The following DOCK8 variants were observed in gnomAD, a reference collection of about 807,000 sequenced individuals.
DOCK8 encodes the protein dedicator of cytokinesis protein 8.
DOCK8 carries 141 observed loss-of-function variants against 245.6 expected under a neutral mutation model. The observed-to-expected ratio is 0.57, with a 90% CI of 0.50 to 0.66. The LOEUF is 0.66. Ranked by LOEUF, DOCK8 falls within the 30% of genes least tolerant of loss-of-function variation. The probability of loss-of-function intolerance (pLI) is 0.00; values close to 1 mark genes in which losing one functional copy is unlikely to be tolerated. For missense variants in DOCK8, 2,965 were observed against 2,603.4 expected, an observed-to-expected ratio of 1.14 and a Z score of -3.02; for synonymous variants, 1,168 against 970.2, an observed-to-expected ratio of 1.20 and a Z score of -3.79.
intron 14 of DOCK8, among the ~76,000 whole-genome samples, chr9:344,100 C>G (rs4741822): frequency 0.73 from 110,741 of 152,056 alleles, 40,546 homozygotes; most frequent in African/African-American, 0.8. Flanking sequence ...GCTGTACTGG[C>G]CACTGTAGAA....
chr9:463,425 T>C, intron 46 of DOCK8, 92 bp from the exon 47 acceptor site: 2 of 1,524,250 alleles, frequency 1.3e-6, no homozygotes, highest in Non-Finnish European at 1.8e-6. Flanking sequence ...GTTCTTAAAG[T>C]TATTCGAAAA....
intron 10 of DOCK8, among the ~76,000 whole-genome samples, chr9:333,130 G>A (rs1458185944): frequency 6.6e-6 from 1 of 152,206 alleles, no homozygotes; most frequent in Non-Finnish European, 1.5e-5. Flanking sequence ...CAGTGCCAGA[G>A]CTCTCCTGGC....
rs749479613 is a variant in DOCK8 at position 334,401 on chromosome 9, C to A, written c.1285+17C>A. 1 of 1,610,516 alleles carries A rather than the reference C, an allele frequency of 6.2e-7. No homozygotes were observed. The highest frequency in any genetic ancestry group is 8.5e-7 in the Non-Finnish European group (1 of 1,177,500). ...CTGTGGTTGGTAAGATTTTCACCTG[C>A]AGTGGGAAAGGGAGGGCTCCCCAGT... On this transcript the variant is annotated intron_variant, in intron 11 of 47. Coordinates refer to ENST00000432829, the MANE Select transcript of DOCK8 (RefSeq NM_203447.4).
At chr9:295,170 AAAG>A (rs774312362) in intron 4 of DOCK8, among the ~76,000 whole-genome samples, 17 of 152,040 alleles carry the variant, frequency 1.1e-4, no homozygotes, top group South Asian at 2.1e-4. Context: ...AAAAAAAAAA[AAAG>A]AAGAAGAACC....
At chr9:394,870 T>C (rs1256147982) in intron 24 of DOCK8, among the ~76,000 whole-genome samples, 2 of 152,224 alleles carry the variant, frequency 1.3e-5, no homozygotes, top group Non-Finnish European at 2.9e-5. Flanking sequence ...GGCAAGCTGC[T>C]GACAGTCTGG....
chr9:309,410 A>G (rs2049998275), intron 5 of DOCK8, among the ~76,000 whole-genome samples: 1 of 152,208 alleles, frequency 6.6e-6, no homozygotes. Flanking sequence ...ATTGTCCAGT[A>G]GTATGTCCAT....
chr9:422,476 C>T lies in DOCK8; in HGVS notation c.4241+341C>T, dbSNP rs577370063. On this transcript the variant is annotated intron_variant, in intron 33 of 47. Coordinates refer to ENST00000432829, the MANE Select transcript of DOCK8 (RefSeq NM_203447.4). ...TGCCTAGGACCGTATACTTTCAAATCGATATTTCCTTTCTGGAAATATGTA... is the reference window on the plus strand; with the variant it reads ...TGCCTAGGACCGTATACTTTCAAATTGATATTTCCTTTCTGGAAATATGTA... Among the ~76,000 whole-genome samples, 7 of 152,254 alleles carry T rather than the reference C, an allele frequency of 4.6e-5. No individual in the cohort carries two copies. In the East Asian group the frequency reaches 5.8e-4, roughly 13 times the overall value.
chr9:269,914 C>A (rs776292117), intron 1 of DOCK8, among the ~76,000 whole-genome samples: 2 of 152,254 alleles, frequency 1.3e-5, no homozygotes, highest in Middle Eastern at 6.8e-3. Context: ...TGCTGGGATA[C>A]ATGGGAGCTC....
chr9:334,870 C>T (rs1465075115), intron 11 of DOCK8, among the ~76,000 whole-genome samples: 2 of 152,080 alleles, frequency 1.3e-5, no homozygotes, highest in Admixed American at 6.6e-5. Flanking sequence ...TCGCTTGAAG[C>T]CAGGAGTTCG....
At chr9:230,351 C>G (rs1002359363) in intron 1 of DOCK8, among the ~76,000 whole-genome samples, 1 of 152,096 alleles carries the variant, frequency 6.6e-6, no homozygotes, top group African/African-American at 2.4e-5. Context: ...AATAGTGCTG[C>G]TATAAACATA....
Position 426,901 on chromosome 9 carries a change from G to T in DOCK8, c.4258G>T (p.Asp1420Tyr), listed in dbSNP as rs1194356099. 3.1e-6 allele frequency: 5 copies of T among 1,613,984 alleles called. No individual in the cohort carries two copies. The highest frequency in any genetic ancestry group is 2.7e-5 in the African/African-American group (2 of 74,920). Reference protein sequence around the residue: ...EKLDKTKAELDQEALISGNLA... With the variant: ...EKLDKTKAELYQEALISGNLA... ...GTTTCCTAGAACAAAGGCCGAGTTAGATCAAGAAGCCTTGATCAGTGGCAA... is the reference window on the plus strand; with the variant it reads ...GTTTCCTAGAACAAAGGCCGAGTTATATCAAGAAGCCTTGATCAGTGGCAA... Residue 1420 changes from aspartate to tyrosine, a missense_variant, in exon 34 of 48, where the codon GAT becomes TAT. Around this residue, in one of 3 missense-constraint regions of DOCK8, gnomAD observed 2,825 missense variants for 2,453.5 expected, o/e 1.15. Transcript: ENST00000432829.
intron 1 of DOCK8, among the ~76,000 whole-genome samples, chr9:225,947 G>T (rs1334877368): frequency 6.6e-6 from 1 of 152,188 alleles, no homozygotes; most frequent in Non-Finnish European, 1.5e-5. Flanking sequence ...TGAATGAGGG[G>T]AGAGGAGGAG....
In DOCK8 at chr9:333,566, A is replaced by C. The variant is rs760215923; in HGVS notation, c.1126-659A>C. Among the ~76,000 whole-genome samples, 45 of 150,986 alleles carry C rather than the reference A, an allele frequency of 3.0e-4. 1 individual carries two copies. Among genetic ancestry groups the C allele is most frequent in the African/African-American group, 6.6e-4 (27 of 41,028 alleles). On this transcript the variant is annotated intron_variant, in intron 10 of 47. Transcript: ENST00000432829. The stretch of plus-strand genomic sequence containing the variant: ...CAGTGAGCCGAGATCGTGCCACTGC[A>C]CTCCAGCCTGGGTGACAGAGTGAGA...
upstream of DOCK8, chr9:214,374 T>G: frequency 1.3e-6 from 1 of 753,170 alleles, no homozygotes; most frequent in Non-Finnish European, 2.1e-6. Context: ...TATATTTATT[T>G]AGTGTCTCAG....
chr9:404,889 T>G (rs1282419826), intron 26 of DOCK8, 29 bp from the exon 27 acceptor site: 1 of 1,613,324 alleles, frequency 6.2e-7, no homozygotes, highest in East Asian at 2.2e-5. Flanking sequence ...TAATAAATGT[T>G]TCATTCCTCT....
At chr9:352,940 T>C (rs1313013795) in intron 14 of DOCK8, among the ~76,000 whole-genome samples, 1 of 152,090 alleles carries the variant, frequency 6.6e-6, no homozygotes, top group African/African-American at 2.4e-5. Flanking sequence ...GCAGGATATC[T>C]TCCCTTTGAA....
chr9:217,707 TTTAC>T (rs1346082094), intron 1 of DOCK8, among the ~76,000 whole-genome samples: 1 of 152,172 alleles, frequency 6.6e-6, no homozygotes, highest in Non-Finnish European at 1.5e-5. Flanking sequence ...CCATTTATTG[TTTAC>T]TTATTGTGTC....
intron 45 of DOCK8, among the ~76,000 whole-genome samples, chr9:451,553 G>A (rs193259459): frequency 6.6e-6 from 1 of 152,226 alleles, no homozygotes; most frequent in East Asian, 1.9e-4. Context: ...AGCCTGGGAA[G>A]TGGAGGCTGC....
At chr9:349,221 G>A (rs1025242231) in intron 14 of DOCK8, among the ~76,000 whole-genome samples, 1 of 152,278 alleles carries the variant, frequency 6.6e-6, no homozygotes, top group South Asian at 2.1e-4. Context: ...TAAAACCATG[G>A]CTAATTCATC....
Sources: gnomAD v4.1 joint callset for allele counts (sites outside exome capture counted in the v4.1 genomes callset) on GRCh38, gnomAD v4.1.1 for gene constraint, gnomAD v4.1.1 regional missense constraint, MANE v1.5 for transcripts, NCBI Gene and HGNC (gene_info 2026-07-23, HGNC 2026-07-21) for gene names.